The following NXPH2 variants were observed in gnomAD, a reference collection of about 807,000 sequenced individuals.
NXPH2 encodes neurexophilin 2.
NXPH2 carries 5 observed loss-of-function variants against 19.8 expected under a neutral mutation model. The observed-to-expected ratio is 0.25, with a 90% CI of 0.13 to 0.53. NXPH2 has a LOEUF of 0.53. Ranked by LOEUF, NXPH2 falls within the 20% of genes least tolerant of loss-of-function variation. NXPH2 has a pLI of 0.96. For synonymous variants in NXPH2, 154 were observed against 127.4 expected (o/e 1.21, Z -1.41); for missense variants, 289 against 322.8 (o/e 0.90, Z 0.80).
At chr2:138,733,835 A>T (rs1681492829) in intron 1 of NXPH2, among the ~76,000 whole-genome samples, 1 of 152,216 alleles carries the variant, frequency 6.6e-6, no homozygotes, top group South Asian at 2.1e-4. Context: ...AGCATCTGCA[A>T]GTGTCCTGAA....
chr2:138,719,330 T>C (rs2104992631), intron 1 of NXPH2, among the ~76,000 whole-genome samples: 1 of 152,192 alleles, frequency 6.6e-6, no homozygotes, highest in Non-Finnish European at 1.5e-5. Context: ...TGTATATAAG[T>C]AAATGCACTT....
intron 1 of NXPH2, among the ~76,000 whole-genome samples, chr2:138,759,114 C>T (rs1681961817): frequency 6.6e-6 from 1 of 152,098 alleles, no homozygotes; most frequent in Admixed American, 6.5e-5. Context: ...AAATTTCTTT[C>T]CTTTTTTCAA....
Position 138,742,682 on chromosome 2 carries a change from A to G in NXPH2, c.51+37509T>C, listed in dbSNP as rs138241719. 7.3e-3 allele frequency among the ~76,000 whole-genome samples: 1,115 copies of G among 152,324 alleles called. 11 individuals are homozygous for G. Among genetic ancestry groups the G allele is most frequent in the African/African-American group, 0.024 (1,010 of 41,562 alleles). On this transcript the variant is annotated intron_variant, in intron 1 of 1. Transcript: ENST00000272641. Reference sequence around the variant, plus strand: ...GCTGAAACTGTATCCATTCCTAGCAAGCAGGCATCTGCACTTGCTGTTGGG... The same window carrying G: ...GCTGAAACTGTATCCATTCCTAGCAGGCAGGCATCTGCACTTGCTGTTGGG...
intron 1 of NXPH2, among the ~76,000 whole-genome samples, chr2:138,744,997 A>G (rs926530809): frequency 5.3e-5 from 8 of 152,172 alleles, no homozygotes; most frequent in African/African-American, 1.9e-4. Context: ...CTCTCCATGT[A>G]TGGCTGGCAG....
At chr2:138,679,712 T>G (rs1680544338) in intron 1 of NXPH2, among the ~76,000 whole-genome samples, 1 of 152,292 alleles carries the variant, frequency 6.6e-6, no homozygotes, top group Non-Finnish European at 1.5e-5. Context: ...GGCCTGAATA[T>G]ATGCCCTTTC....
At chr2:138,757,928 C>A (rs1347164768) in intron 1 of NXPH2, among the ~76,000 whole-genome samples, 1 of 151,806 alleles carries the variant, frequency 6.6e-6, no homozygotes, top group Non-Finnish European at 1.5e-5. Flanking sequence ...AATTTTCTAC[C>A]AAAGTCACGT....
At chr2:138,705,409 C>G (rs1017992086) in intron 1 of NXPH2, among the ~76,000 whole-genome samples, 1 of 151,904 alleles carries the variant, frequency 6.6e-6, no homozygotes, top group African/African-American at 2.4e-5. Context: ...AAAAAGAAAG[C>G]TTTTTATAGT....
intron 1 of NXPH2, among the ~76,000 whole-genome samples, chr2:138,676,439 A>G (rs1237379703): frequency 4.6e-5 from 7 of 152,090 alleles, no homozygotes. Context: ...TAATCAGAAG[A>G]CTGGAGGCTG....
intron 1 of NXPH2, among the ~76,000 whole-genome samples, chr2:138,753,663 T>C (rs940042100): frequency 6.6e-6 from 1 of 152,150 alleles, no homozygotes; most frequent in Non-Finnish European, 1.5e-5. Flanking sequence ...AAACTGAGTG[T>C]CTACAGATGT....
chr2:138,694,841 C>T (rs1025610983), intron 1 of NXPH2, among the ~76,000 whole-genome samples: 5 of 152,230 alleles, frequency 3.3e-5, no homozygotes, highest in South Asian at 4.1e-4. Flanking sequence ...TATTCTAGAA[C>T]GTATTGCTCC....
intron 1 of NXPH2, among the ~76,000 whole-genome samples, chr2:138,687,820 G>T (rs1487336137): frequency 2.0e-5 from 3 of 152,038 alleles, no homozygotes; most frequent in African/African-American, 7.2e-5. Flanking sequence ...TCTTGTTTTT[G>T]TCAGGTTTGT....
At chr2:138,777,271 A>G (rs766071396) in intron 1 of NXPH2, among the ~76,000 whole-genome samples, 7 of 152,132 alleles carry the variant, frequency 4.6e-5, no homozygotes, top group Admixed American at 2.6e-4. Context: ...CATTAGTGGC[A>G]GAAAAGATAT....
chr2:138,744,340 A>G (rs922398273), intron 1 of NXPH2, among the ~76,000 whole-genome samples: 1 of 152,194 alleles, frequency 6.6e-6, no homozygotes, highest in African/African-American at 2.4e-5. Context: ...CAAAATAAAT[A>G]AAAGTGAAAA....
At chr2:138,740,008 C>T (rs1472620157) in intron 1 of NXPH2, among the ~76,000 whole-genome samples, 17 of 152,274 alleles carry the variant, frequency 1.1e-4, no homozygotes, top group Middle Eastern at 3.4e-3. Context: ...ATCCCTCTAT[C>T]TCTGCTCTCT....
rs1339816335 is a variant in NXPH2, at chr2:138,729,406, T to C, written c.51+50785A>G. Reference sequence around the variant, plus strand: ...TTTGCTTCCCCTTTGGCCTTGACTGTAAGTTTCCTGAGGCCTCTCCAGCCT... The same window carrying C: ...TTTGCTTCCCCTTTGGCCTTGACTGCAAGTTTCCTGAGGCCTCTCCAGCCT... On this transcript the variant is annotated intron_variant, in intron 1 of 1. Transcript: ENST00000272641. Among the ~76,000 whole-genome samples, 4 of 152,218 alleles carry C rather than the reference T, an allele frequency of 2.6e-5. No individual in the cohort carries two copies. In the East Asian group the frequency reaches 5.8e-4, roughly 22 times the overall value.
intron 1 of NXPH2, among the ~76,000 whole-genome samples, chr2:138,771,673 C>A (rs1233226849): frequency 2.0e-5 from 3 of 152,154 alleles, no homozygotes; most frequent in African/African-American, 7.2e-5. Flanking sequence ...CAGAGGGTAG[C>A]TTCAGCCTGC....
chr2:138,713,629 T>G (rs1475590088), intron 1 of NXPH2, among the ~76,000 whole-genome samples: 2 of 152,032 alleles, frequency 1.3e-5, no homozygotes, highest in African/African-American at 2.4e-5. Flanking sequence ...GTGTTTTAAT[T>G]GCAAATTGGT....
chr2:138,693,233 T>TC (rs1234067179), intron 1 of NXPH2, among the ~76,000 whole-genome samples: 4 of 152,152 alleles, frequency 2.6e-5, no homozygotes, highest in Non-Finnish European at 5.9e-5. Flanking sequence ...TAACTGCTGA[T>TC]CCCCCATTTC....
chr2:138,697,526 T>C (rs1680846597), intron 1 of NXPH2, among the ~76,000 whole-genome samples: 2 of 151,952 alleles, frequency 1.3e-5, no homozygotes, highest in Admixed American at 1.3e-4. Context: ...AATAAAATAC[T>C]ATAAGTGGGG....
Sources: gnomAD v4.1 joint callset for allele counts (sites outside exome capture counted in the v4.1 genomes callset) on GRCh38, gnomAD v4.1.1 for gene constraint, MANE v1.5 for transcripts, NCBI Gene and HGNC (gene_info 2026-07-23, HGNC 2026-07-21) for gene names.